Variants in RYR2 observed in about 807,000 individuals in gnomAD.
RYR2 encodes cardiac muscle ryanodine receptor-calcium release channel.
In RYR2, 227 loss-of-function variants were observed where a neutral mutation model predicts 601.1. That is an observed-to-expected ratio of 0.38 (90% confidence interval 0.34 to 0.42). The LOEUF is 0.42. Ranked by LOEUF, RYR2 falls within the 10% of genes least tolerant of loss-of-function variation. RYR2 has a pLI of 1.00. For synonymous variants in RYR2, 2,223 were observed against 2,175.1 expected, an observed-to-expected ratio of 1.02 and a Z score of -0.61; for missense variants, 4,646 against 6,156.5, an observed-to-expected ratio of 0.75 and a Z score of 8.21.
chr1:237,668,401 T>C (rs1684511273), intron 58 of RYR2, among the ~76,000 whole-genome samples: 1 of 152,250 alleles, frequency 6.6e-6, no homozygotes, highest in Admixed American at 6.5e-5. Flanking sequence ...AATGAACTAA[T>C]GTTCTCTTAG....
chr1:237,125,974 C>T (rs949862326), intron 1 of RYR2, among the ~76,000 whole-genome samples: 13 of 152,202 alleles, frequency 8.5e-5, no homozygotes, highest in African/African-American at 2.4e-4. Context: ...CAGTGGCTCA[C>T]GCCTATAATC....
At chr1:237,243,702 G>T (rs983782333) in intron 1 of RYR2, among the ~76,000 whole-genome samples, 3 of 152,174 alleles carry the variant, frequency 2.0e-5, no homozygotes, top group African/African-American at 7.2e-5. Context: ...CCTGCCTTGG[G>T]GCAGGTGAAA....
intron 1 of RYR2, among the ~76,000 whole-genome samples, chr1:237,118,517 C>T (rs1474187773): frequency 6.6e-6 from 1 of 151,890 alleles, no homozygotes; most frequent in African/African-American, 2.4e-5. Flanking sequence ...AGTCTATAGT[C>T]AAGTGCACAG....
intron 63 of RYR2, among the ~76,000 whole-genome samples, chr1:237,693,090 T>C (rs1687090660): frequency 6.6e-6 from 1 of 152,200 alleles, no homozygotes; most frequent in African/African-American, 2.4e-5. Flanking sequence ...AGACAAGTGC[T>C]AAGAACGTGG....
intron 12 of RYR2, among the ~76,000 whole-genome samples, chr1:237,437,592 A>G (rs1314428309): frequency 6.6e-6 from 1 of 152,202 alleles, no homozygotes; most frequent in African/African-American, 2.4e-5. Flanking sequence ...GGTGAATGAT[A>G]GTCAAGTGGA....
chr1:237,456,716 T>C lies in RYR2; in HGVS notation c.1593T>C (p.Asn531=). ...GAGAGTCTTGGAAATCCATTCTGAA[T>C]TCTCTGTATGAGTTGCTGGGTAAGA... ...EAGESWKSIL[N]SLYELLAALI... The change falls in exon 16 of 105, where the codon AAT becomes AAC. Residue 531 remains asparagine, a synonymous_variant. Transcript: ENST00000366574. 1 of 1,613,630 alleles carries C rather than the reference T, an allele frequency of 6.2e-7. No individual in the cohort carries two copies. The highest frequency in any genetic ancestry group is 1.1e-5 in the South Asian group (1 of 91,078).
At chr1:237,252,129 T>G (rs1366087721) in intron 1 of RYR2, among the ~76,000 whole-genome samples, 11 of 151,656 alleles carry the variant, frequency 7.3e-5, no homozygotes, top group Admixed American at 7.2e-4. Flanking sequence ...ATGTCCTTCC[T>G]CTGCTTGCAA....
chr1:237,269,939 T>C (rs4659491), intron 1 of RYR2, among the ~76,000 whole-genome samples: 53,826 of 152,124 alleles, frequency 0.35, 11,361 homozygotes, highest in Non-Finnish European at 0.46. Flanking sequence ...TCTCCATACA[T>C]TTTTAAGCAA....
intron 1 of RYR2, among the ~76,000 whole-genome samples, chr1:237,233,300 T>C (rs1263268969): frequency 6.6e-6 from 1 of 152,230 alleles, no homozygotes; most frequent in Non-Finnish European, 1.5e-5. Flanking sequence ...ATTGCTAAAT[T>C]GGAATTTAGG....
At chr1:237,591,957 A>T in intron 32 of RYR2, 104 bp downstream of exon 32, 5 of 849,176 alleles carry the variant, frequency 5.9e-6, no homozygotes, top group Non-Finnish European at 8.9e-6. Flanking sequence ...CATTATTTTT[A>T]AAATGTCTGT....
chr1:237,230,995 T>G (rs966315784), intron 1 of RYR2, among the ~76,000 whole-genome samples: 3 of 151,582 alleles, frequency 2.0e-5, no homozygotes, highest in African/African-American at 7.3e-5. Flanking sequence ...CGCTTTTTCC[T>G]GTGCACAAGT....
intron 62 of RYR2, among the ~76,000 whole-genome samples, chr1:237,686,171 TAGTC>T (rs1376129597): frequency 1.1e-4 from 17 of 152,274 alleles, no homozygotes; most frequent in African/African-American, 3.9e-4. Context: ...CAAGAGAACA[TAGTC>T]AGTGAGGACT....
chr1:237,733,091 A>G (rs1690831842), intron 78 of RYR2, among the ~76,000 whole-genome samples: 1 of 152,136 alleles, frequency 6.6e-6, no homozygotes, highest in Non-Finnish European at 1.5e-5. Context: ...TCTCTCTGGC[A>G]TTGTCAGGTA....
In RYR2 at chr1:237,448,783, A is replaced by G. The variant is rs1033043462; in HGVS notation, c.1292+3261A>G. ...TTCTATGACATGTACTTTGTATAAT[A>G]TGAACATAGCCCCTCTAGTTTCCCC... On this transcript the variant is annotated intron_variant, in intron 14 of 104. Coordinates refer to ENST00000366574, the MANE Select transcript of RYR2 (RefSeq NM_001035.3). 4.6e-5 allele frequency among the ~76,000 whole-genome samples: 7 copies of G among 152,126 alleles called. No individual in the cohort carries two copies. The East Asian group carries it at 1.3e-3, about 29-fold the overall frequency.
At chr1:237,439,399 C>G (rs1028120062) in intron 12 of RYR2, among the ~76,000 whole-genome samples, 1 of 152,158 alleles carries the variant, frequency 6.6e-6, no homozygotes, top group Admixed American at 6.5e-5. Context: ...AATCCCTGCC[C>G]TTTGGGAGGC....
intron 74 of RYR2, among the ~76,000 whole-genome samples, chr1:237,724,830 T>G (rs1419063688): frequency 6.6e-6 from 1 of 152,130 alleles, no homozygotes; most frequent in Non-Finnish European, 1.5e-5. Flanking sequence ...TATATAGATT[T>G]GCTTGAATAA....
chr1:237,813,943 C>A (rs1180999463), intron 100 of RYR2, among the ~76,000 whole-genome samples: 1 of 152,166 alleles, frequency 6.6e-6, no homozygotes, highest in South Asian at 2.1e-4. Context: ...ACTTTTTCAT[C>A]CCTAGCTCAT....
At chr1:237,255,784 A>G (rs1170246555) in intron 1 of RYR2, among the ~76,000 whole-genome samples, 1 of 151,986 alleles carries the variant, frequency 6.6e-6, no homozygotes, top group Non-Finnish European at 1.5e-5. Context: ...GCAGGATTGT[A>G]TCTGCATCCA....
At chr1:237,420,180 T>C (rs1005906389) in intron 11 of RYR2, among the ~76,000 whole-genome samples, 1 of 152,138 alleles carries the variant, frequency 6.6e-6, no homozygotes, top group African/African-American at 2.4e-5. Context: ...GGGAGTTAAA[T>C]TGAATAGAAA....
Sources: allele counts gnomAD v4.1 joint callset (sites outside exome capture counted in the v4.1 genomes callset), GRCh38; gene constraint gnomAD v4.1.1; transcripts MANE v1.5; gene names NCBI Gene and HGNC (gene_info 2026-07-23, HGNC 2026-07-21).